ZDHHC4: variants seen among roughly 807,000 people sequenced by gnomAD.
The protein encoded by ZDHHC4 is zDHHC palmitoyltransferase 4, also known as palmitoyltransferase ZDHHC4.
A neutral mutation model predicts 36.7 loss-of-function variants in ZDHHC4; 42 were observed. The ratio of observed to expected loss-of-function variants is 1.14; its 90% CI spans 0.89 to 1.48. ZDHHC4 has a LOEUF of 1.48. ZDHHC4 is among the 40% of genes most tolerant of loss of function. ZDHHC4 has a pLI of 0.00. For synonymous variants in ZDHHC4, 189 were observed against 166.6 expected (o/e 1.13, Z -1.03); for missense variants, 457 against 421.5 (o/e 1.08, Z -0.74).
Position 6,585,183 on chromosome 7 carries a change from A to T in ZDHHC4, c.664A>T (p.Met222Leu). Residue 222 changes from methionine (M) to leucine (L), a missense_variant, in exon 7 of 8, where the codon ATG becomes TTG. Transcript: ENST00000335965. The part of the protein sequence containing the change: ...STTFLVHLVV[M>L]SDLYQETYID... The stretch of plus-strand genomic sequence containing the variant: ...CACTTTTCTGGTCCACTTGGTGGTG[A>T]TGTCAGATTTATACCAGGAGACTTA... The T allele has an allele frequency of 6.2e-7, 1 of 1,614,106 alleles. No individual in the cohort carries two copies. The highest frequency in any genetic ancestry group is 8.5e-7 in the Non-Finnish European group (1 of 1,180,018).
chr7:6,582,437 C>G lies in ZDHHC4; in HGVS notation c.370+186C>G. On this transcript the variant is annotated intron_variant, in intron 5 of 7. Transcript: ENST00000335965. ...TCTTCAACCCATGGGTTATTTAAAA[C>G]CACTTAAAATTTTTAGTTTATCTTT... The G allele has an allele frequency of 3.4e-6, 2 of 585,986 alleles. 1 individual carries two copies. The highest frequency in any genetic ancestry group is 5.2e-5 in the South Asian group (2 of 38,142). The allele number at this position is 585,986 out of a possible 1,614,324, so 36.3% of individuals were successfully genotyped here.
In ZDHHC4 at chr7:6,585,270, C is replaced by T; in HGVS notation, c.741+10C>T. On this transcript the variant is annotated intron_variant, in intron 7 of 7. Coordinates refer to ENST00000335965, the MANE Select transcript of ZDHHC4 (RefSeq NM_001134389.2). ...GGTCTTTCTTATTCAGGTAATTATG[C>T]TGTAGGTTTCTGACTTCAAGTTTCA... is the stretch of plus-strand genomic sequence containing the variant. 1 of 1,600,690 alleles carries T rather than the reference C, an allele frequency of 6.2e-7. No individual in the cohort carries two copies. Among genetic ancestry groups the T allele is most frequent in the South Asian group, 1.1e-5 (1 of 89,270 alleles).
Position 6,583,447 on chromosome 7 carries a change from G to T in ZDHHC4, c.496+16G>T. 2 of 1,599,696 alleles carry T rather than the reference G, an allele frequency of 1.3e-6. No homozygotes were observed. The highest frequency in any genetic ancestry group is 8.5e-7 in the Non-Finnish European group (1 of 1,171,562). On this transcript the variant is annotated intron_variant, in intron 6 of 7. Transcript: ENST00000335965. ...AAGCACTGCAGTGAGTGTGGCTCTC[G>T]TGACTCCAGCGGCACCTCCAACAGC...
In ZDHHC4 at chr7:6,580,656, G is replaced by T. The variant is rs572953838; in HGVS notation, c.95G>T (p.Gly32Val). 1.2e-6 allele frequency: 2 copies of T among 1,614,138 alleles called. No homozygotes were observed. Among genetic ancestry groups the T allele is most frequent in the East Asian group, 2.2e-5 (1 of 44,884 alleles). Residue 32 changes from glycine (G) to valine (V), a missense_variant, in exon 3 of 8, where the codon GGC becomes GTC. Coordinates refer to ENST00000335965, the MANE Select transcript of ZDHHC4 (RefSeq NM_001134389.2). ...TGCTCGAAAACCCATAGCTTGAAAG[G>T]CCTGGCCAGGGGAGGAGCACAGGTA... The part of the protein sequence containing the change: ...CVCSKTHSLK[G>V]LARGGAQIFS...
In ZDHHC4 at chr7:6,588,863, A is replaced by C; in HGVS notation, c.988A>C (p.Ile330Leu). Residue 330 changes from isoleucine (I) to leucine (L), a missense_variant, in exon 8 of 8, where the codon ATC becomes CTC. Transcript: ENST00000335965. ...TGGGCTTCGGAGCAACCTTCAAGAG[A>C]TCTTTCTACCTGCCTTTCCATGTCA... Reference protein sequence around the residue: ...SHGLRSNLQEIFLPAFPCHER... With the variant: ...SHGLRSNLQELFLPAFPCHER... 1 of 1,611,870 alleles carries C rather than the reference A, an allele frequency of 6.2e-7. No homozygotes were observed. The highest frequency in any genetic ancestry group is 8.5e-7 in the Non-Finnish European group (1 of 1,178,096).
chr7:6,584,179 ATG>A (rs1781064945), intron 6 of ZDHHC4: 1 of 152,210 alleles, frequency 6.6e-6, no homozygotes, highest in Non-Finnish European at 1.5e-5. Context: ...CATGTAATCA[ATG>A]TAAAAAATTC....
chr7:6,585,312 A>C, intron 7 of ZDHHC4, 52 bp downstream of exon 7: 1 of 1,590,424 alleles, frequency 6.3e-7, no homozygotes, highest in East Asian at 2.2e-5. Context: ...CAAAAAAGAC[A>C]TTTATTTTTC....
chr7:6,585,297 A>G, intron 7 of ZDHHC4, 37 bp downstream of exon 7: 1 of 1,597,092 alleles, frequency 6.3e-7, no homozygotes. Flanking sequence ...CAAGTTTCAG[A>G]ATCGCAAAAA....
chr7:6,585,031 G>A lies in ZDHHC4; in HGVS notation c.512G>A (p.Cys171Tyr), dbSNP rs777443564. 2.5e-6 allele frequency: 4 copies of A among 1,614,056 alleles called. No homozygotes were observed. Among genetic ancestry groups the A allele is most frequent in the African/African-American group, 2.7e-5 (2 of 74,922 alleles). ...RSKHCSVCNWCVHRFDHHCVW... is the reference protein window; with the variant it reads ...RSKHCSVCNWYVHRFDHHCVW... ...TTCTGTGCAGGTGTGTGTAACTGGT[G>A]TGTGCACCGTTTCGACCATCACTGT... Residue 171 changes from cysteine (C) to tyrosine (Y), a missense_variant, in exon 7 of 8, where the codon TGT becomes TAT. Transcript: ENST00000335965.
intron 6 of ZDHHC4, 89 bp from the exon 7 acceptor site, chr7:6,584,927 G>C: frequency 6.5e-7 from 1 of 1,545,060 alleles, no homozygotes; most frequent in Non-Finnish European, 8.8e-7. Flanking sequence ...GACACATCCA[G>C]TGGACAGATT....
Position 6,589,166 on chromosome 7 carries a change from C to A in ZDHHC4, c.*256C>A, listed in dbSNP as rs1425517240. On this transcript the variant is annotated 3_prime_UTR_variant, in exon 8 of 8. Coordinates refer to ENST00000335965, the MANE Select transcript of ZDHHC4 (RefSeq NM_001134389.2). ...TCAGAGGTTCTAGGTGATGCTGAGA[C>A]CTTGGTGTCTCTAAACTCTGGGCAT... 1.5e-5 allele frequency: 7 copies of A among 477,078 alleles called. No homozygotes were observed. The highest frequency in any genetic ancestry group is 1.0e-4 in the Admixed American group (3 of 29,936). The allele number at this position is 477,078 out of a possible 1,614,324, so 29.6% of individuals were successfully genotyped here.
intron 5 of ZDHHC4, 129 bp downstream of exon 5, chr7:6,582,380 C>A: frequency 2.2e-6 from 2 of 917,082 alleles, no homozygotes; most frequent in Non-Finnish European, 3.3e-6. Flanking sequence ...CATTACCTTT[C>A]AGTTTTGAGT....
chr7:6,584,314 G>C (rs781227124), intron 6 of ZDHHC4: 9 of 152,092 alleles, frequency 5.9e-5, no homozygotes, highest in Non-Finnish European at 1.3e-4. Context: ...TGTGTATTTA[G>C]ATTTAATAAA....
rs145005587 is a variant in ZDHHC4 at position 6,580,599 on chromosome 7, C to T, written c.38C>T (p.Ser13Leu). 26 of 1,613,990 alleles carry T rather than the reference C, an allele frequency of 1.6e-5. No homozygotes were observed. Among genetic ancestry groups the T allele is most frequent in the Middle Eastern group, 1.6e-4 (1 of 6,084 alleles). ...FLVLFLFYLA[S>L]VLMGLVLICV... ...GTCCTCTTCTTGTTCTACCTGGCTT[C>T]GGTGCTGATGGGTCTTGTTCTTATC... The change falls in exon 3 of 8, where the codon TCG becomes TTG. Residue 13 changes from serine to leucine, a missense_variant. Transcript: ENST00000335965.
chr7:6,581,650 A>G lies in ZDHHC4; in HGVS notation c.161A>G (p.His54Arg), dbSNP rs1562540452. 4 of 1,611,236 alleles carry G rather than the reference A, an allele frequency of 2.5e-6. No individual in the cohort carries two copies. Among genetic ancestry groups the G allele is most frequent in the South Asian group, 2.2e-5 (2 of 90,910 alleles). Reference sequence around the variant, plus strand: ...CCAGAATGTCTTCAGAGAGCCGTGCATGGATTGCTTCATTACCTTTTCCAT... The same window carrying G: ...CCAGAATGTCTTCAGAGAGCCGTGCGTGGATTGCTTCATTACCTTTTCCAT... ...IIPECLQRAV[H>R]GLLHYLFHTR... The change falls in exon 4 of 8, where the codon CAT becomes CGT. Residue 54 changes from histidine to arginine, a missense_variant. By Grantham distance (29) the His-to-Arg change is conservative (BLOSUM62 0). Transcript: ENST00000335965.
intron 2 of ZDHHC4, among the ~76,000 whole-genome samples, chr7:6,579,303 A>G (rs1245699492): frequency 6.6e-6 from 1 of 150,864 alleles, no homozygotes; most frequent in East Asian, 1.9e-4. Flanking sequence ...TGGGTTCAAG[A>G]GATTCTCCTG....
At position 6,585,156 on chromosome 7, in the gene ZDHHC4, A is replaced by G. The variant is rs1299513530; in HGVS notation, c.637A>G (p.Thr213Ala). Residue 213 changes from threonine to alanine, a missense_variant, in exon 7 of 8, where the codon ACC becomes GCC. By Grantham distance (58) the Thr-to-Ala change is moderately conservative. Transcript: ENST00000335965. Reference protein sequence around the residue: ...ASAATVAIVSTTFLVHLVVMS... With the variant: ...ASAATVAIVSATFLVHLVVMS... ...GGCTGCCACCGTCGCCATTGTGAGC[A>G]CCACTTTTCTGGTCCACTTGGTGGT... 6.2e-7 allele frequency: 1 copy of G among 1,613,658 alleles called. No individual in the cohort carries two copies. The highest frequency in any genetic ancestry group is 1.7e-5 in the Admixed American group (1 of 59,980).
chr7:6,582,043 C>G (rs765842838), intron 4 of ZDHHC4, 30 bp from the exon 5 acceptor site: 5 of 1,596,916 alleles, frequency 3.1e-6, no homozygotes, highest in African/African-American at 2.7e-5. Context: ...AAGAAACCCC[C>G]ATGAACAAGC....
At chr7:6,580,159 T>G (rs1006363846) in intron 2 of ZDHHC4, among the ~76,000 whole-genome samples, 1 of 152,102 alleles carries the variant, frequency 6.6e-6, no homozygotes, top group Non-Finnish European at 1.5e-5. Context: ...TTATCTTTCT[T>G]TTTTTATTTT....
Sources: gnomAD v4.1 joint callset for allele counts (sites outside exome capture counted in the v4.1 genomes callset) on GRCh38, gnomAD v4.1.1 for gene constraint, MANE v1.5 for transcripts, NCBI Gene and HGNC (gene_info 2026-07-23, HGNC 2026-07-21) for gene names.